The following SLTM variants were observed in gnomAD, a reference collection of about 807,000 sequenced individuals.
SLTM encodes the protein SAFB-like transcription modulator.
SLTM carries 43 observed loss-of-function variants against 134.6 expected under a neutral mutation model. That is an observed-to-expected ratio of 0.32 (90% CI 0.25 to 0.41). The LOEUF (loss-of-function observed/expected upper bound fraction) is 0.41. Among genes scored for constraint, SLTM ranks in the 10% least tolerant of loss-of-function variants. SLTM has a pLI of 1.00. For synonymous variants in SLTM, 424 were observed against 432.3 expected (o/e 0.98, Z 0.24); for missense variants, 1,055 against 1,288.8 (o/e 0.82, Z 2.78).
chr15:58,894,677 A>T, intron 9 of SLTM, 95 bp from the exon 10 acceptor site: 1 of 1,139,518 alleles, frequency 8.8e-7, no homozygotes, highest in Non-Finnish European at 1.3e-6. Context: ...CTATATATTA[A>T]TTCAGGGTGT....
In SLTM at chr15:58,887,557, A is replaced by G. The variant is rs193058363; in HGVS notation, c.2376-17T>C. The G allele has an allele frequency of 1.4e-4, 217 of 1,595,518 alleles. 1 individual carries two copies. In the African/African-American group the frequency reaches 2.8e-3, roughly 20 times the overall value. ...CGATCCCGCCTATTGATTAGAAACA[A>G]AGAATATAGGTCCAAGAAGTGCTTA... is the stretch of plus-strand genomic sequence containing the variant. On this transcript the variant is annotated splice_polypyrimidine_tract_variant and intron_variant, in intron 17 of 20. Transcript: ENST00000380516.
In SLTM at chr15:58,899,642, C is replaced by G. The variant is rs2141027187; in HGVS notation, c.885G>C (p.Lys295Asn). ...AIAQSPEKES[K>N]DYEMNANHKD... ...TATGGTTCGCATTCATCTCATAATC[C>G]TTGCTTTCCTTCTCCGGGCTCTGTG... The change falls in exon 7 of 21, where the codon AAG (lysine) becomes AAC (asparagine). Residue 295 changes from lysine to asparagine, a missense_variant. Around this residue, in one of 3 missense-constraint regions of SLTM, gnomAD observed 776 missense variants for 962.2 expected, o/e 0.81. Coordinates refer to ENST00000380516, the MANE Select transcript of SLTM (RefSeq NM_024755.4). The surrounding 1 kb of genome is among the most constrained non-coding windows in gnomAD (Gnocchi z 5.0). 1.2e-6 allele frequency: 2 copies of G among 1,614,140 alleles called. No homozygotes were observed. Among genetic ancestry groups the G allele is most frequent in the Non-Finnish European group, 1.7e-6 (2 of 1,180,018 alleles).
intron 19 of SLTM, among the ~76,000 whole-genome samples, chr15:58,884,202 A>G (rs1304725829): frequency 6.6e-6 from 1 of 152,186 alleles, no homozygotes; most frequent in African/African-American, 2.4e-5. Flanking sequence ...AAGATGTCTG[A>G]GAAGATAAAA....
chr15:58,885,819 A>G (rs1371744030), intron 19 of SLTM, among the ~76,000 whole-genome samples: 1 of 142,794 alleles, frequency 7.0e-6, no homozygotes, highest in Non-Finnish European at 1.5e-5. Flanking sequence ...AAAAAAAACA[A>G]CAACACACAC....
chr15:58,880,604 C>T (rs1315870479), intron 20 of SLTM, among the ~76,000 whole-genome samples: 1 of 152,192 alleles, frequency 6.6e-6, no homozygotes, highest in African/African-American at 2.4e-5. Flanking sequence ...TTCACCGAGG[C>T]TGGAGTGCAG....
chr15:58,933,326 G>C, intron 1 of SLTM, 78 bp downstream of exon 1: 3 of 1,455,064 alleles, frequency 2.1e-6, no homozygotes, highest in Non-Finnish European at 2.7e-6. Context: ...GGCAGCCGGA[G>C]GCTGCGGCGG....
At chr15:58,917,096 A>T in intron 2 of SLTM, 97 bp from the exon 3 acceptor site, 4 of 1,093,568 alleles carry the variant, frequency 3.7e-6, no homozygotes, top group Non-Finnish European at 5.4e-6. Flanking sequence ...CTCCACTCCC[A>T]AACTATCTGA....
rs373068146 is a variant in SLTM, at chr15:58,933,537, G to A, written c.29C>T (p.Ala10Val). The A allele has an allele frequency of 5.1e-5, 82 of 1,595,386 alleles. No homozygotes were observed. The Middle Eastern group carries it at 6.6e-4, about 13-fold the overall frequency. Reference sequence around the variant, plus strand: ...TTCCGCCTGACCCGAGGCGGCCGAGGCTGCCACCGCACCGGTAGCGGCAGC... The same window carrying A: ...TTCCGCCTGACCCGAGGCGGCCGAGACTGCCACCGCACCGGTAGCGGCAGC... MAAATGAVA[A>V]SAASGQAEGK... The change falls in exon 1 of 21, where the codon GCC becomes GTC. Residue 10 changes from alanine (A) to valine (V), a missense_variant. Ala to Val is a moderately conservative substitution (Grantham distance 64, BLOSUM62 0). Coordinates refer to ENST00000380516, the MANE Select transcript of SLTM (RefSeq NM_024755.4).
rs2038045157 is a variant in SLTM, at chr15:58,933,442, T to C, written c.124A>G (p.Thr42Ala). Reference sequence around the variant, plus strand: ...GAGATGAGCACGGTCTTGACTCCGGTGATGTCTAAGTTCCGCCGCTTCAGC... The same window carrying C: ...GAGATGAGCACGGTCTTGACTCCGGCGATGTCTAAGTTCCGCCGCTTCAGC... Reference protein sequence around the residue: ...SELKRRNLDITGVKTVLISRL... With the variant: ...SELKRRNLDIAGVKTVLISRL... The change falls in exon 1 of 21, where the codon ACC becomes GCC. Residue 42 changes from threonine to alanine, a missense_variant. Transcript: ENST00000380516. 6.3e-7 allele frequency: 1 copy of C among 1,593,296 alleles called. No individual in the cohort carries two copies. The highest frequency in any genetic ancestry group is 1.4e-5 in the African/African-American group (1 of 72,726).
chr15:58,907,671 G>A (rs1444873363), intron 5 of SLTM, among the ~76,000 whole-genome samples: 1 of 152,070 alleles, frequency 6.6e-6, no homozygotes, highest in Admixed American at 6.6e-5. Flanking sequence ...AGATTTTAGA[G>A]AAAAAGCTCC....
intron 3 of SLTM, among the ~76,000 whole-genome samples, chr15:58,915,504 C>T (rs1434720380): frequency 6.6e-6 from 1 of 152,042 alleles, no homozygotes; most frequent in Non-Finnish European, 1.5e-5. Flanking sequence ...GTGAAGACAA[C>T]TGGAGAAAAT....
chr15:58,883,528 CAGT>C, intron 20 of SLTM, 95 bp downstream of exon 20: 2 of 1,489,294 alleles, frequency 1.3e-6, no homozygotes, highest in Non-Finnish European at 1.8e-6. Context: ...CTAGGGTTTT[CAGT>C]AGTTGCAATT....
chr15:58,897,641 G>A (rs1238553969), intron 8 of SLTM: 1 of 154,324 alleles, frequency 6.5e-6, no homozygotes, highest in East Asian at 1.9e-4. Flanking sequence ...AAAAAAGTCA[G>A]AGCAAGGTAT....
chr15:58,930,331 T>C (rs2037783878), intron 2 of SLTM, among the ~76,000 whole-genome samples: 1 of 149,974 alleles, frequency 6.7e-6, no homozygotes, highest in South Asian at 2.1e-4. Flanking sequence ...GGTTTGGCCA[T>C]GTTGGCCAGG....
intron 2 of SLTM, among the ~76,000 whole-genome samples, chr15:58,922,902 G>A (rs561375833): frequency 6.6e-6 from 1 of 151,892 alleles, no homozygotes; most frequent in African/African-American, 2.4e-5. Context: ...TTTTAGTAGA[G>A]ATGGGGTTTC....
chr15:58,899,678 C>T lies in SLTM; in HGVS notation c.849G>A (p.Gln283=), dbSNP rs2035337518. 1.2e-6 allele frequency: 2 copies of T among 1,614,168 alleles called. No homozygotes were observed. Among genetic ancestry groups the T allele is most frequent in the South Asian group, 1.1e-5 (1 of 91,084 alleles). The change falls in exon 7 of 21, where the codon CAG becomes CAA. Residue 283 remains glutamine (Q), a synonymous_variant. Coordinates refer to ENST00000380516, the MANE Select transcript of SLTM (RefSeq NM_024755.4). This position sits in a 1 kb window ranked among gnomAD's most constrained non-coding sequence, Gnocchi z 5.0. ...DSEASKPKDG[Q]DAIAQSPEKE... Reference sequence around the variant, plus strand: ...TCTCCGGGCTCTGTGCAATGGCGTCCTGCCCATCTTTTGGCTTACTTGCTT... The same window carrying T: ...TCTCCGGGCTCTGTGCAATGGCGTCTTGCCCATCTTTTGGCTTACTTGCTT...
At chr15:58,890,239 A>G (rs1446010808) in intron 15 of SLTM, 42 bp downstream of exon 15, 1 of 1,606,270 alleles carries the variant, frequency 6.2e-7, no homozygotes, top group Non-Finnish European at 8.5e-7. Context: ...CAGAGTCTGA[A>G]AAAGGTGAGT....
rs375342322 is a variant in SLTM at position 58,914,171 on chromosome 15, T to C, written c.316-475A>G. Among the ~76,000 whole-genome samples, 238 of 152,340 alleles carry C rather than the reference T, an allele frequency of 1.6e-3. 7 individuals carry two copies. In the South Asian group the frequency reaches 0.047, roughly 30 times the overall value. On this transcript the variant is annotated intron_variant, in intron 3 of 20. Transcript: ENST00000380516. Reference sequence around the variant, plus strand: ...CAAATAACTAATTGAAATGTATTTGTTTTGAAATCTACCACTGTGCCAAAT... The same window carrying C: ...CAAATAACTAATTGAAATGTATTTGCTTTGAAATCTACCACTGTGCCAAAT...
chr15:58,930,740 T>G (rs1242868347), intron 2 of SLTM, among the ~76,000 whole-genome samples: 2 of 148,242 alleles, frequency 1.3e-5, no homozygotes, highest in East Asian at 3.9e-4. Context: ...ATATGATATA[T>G]ATACACCTAT....
Sources: allele counts gnomAD v4.1 joint callset (sites outside exome capture counted in the v4.1 genomes callset), GRCh38; gene constraint gnomAD v4.1.1; regional missense constraint gnomAD v4.1.1; non-coding constraint Gnocchi (gnomAD v3.1); transcripts MANE v1.5; gene names NCBI Gene and HGNC (gene_info 2026-07-23, HGNC 2026-07-21).